The following CNTN5 variants were observed in gnomAD, a reference collection of about 807,000 sequenced individuals.
CNTN5 encodes contactin-5.
A neutral mutation model predicts 129.1 loss-of-function variants in CNTN5; 77 were observed. The observed-to-expected ratio is 0.60, with a 90% CI of 0.50 to 0.72. CNTN5 has a LOEUF of 0.72. Ranked by LOEUF, CNTN5 falls within the 30% of genes least tolerant of loss-of-function variation. The probability of loss-of-function intolerance (pLI) is 0.00; values close to 1 mark genes in which losing one functional copy is unlikely to be tolerated. For synonymous variants in CNTN5, 509 were observed against 465.6 expected, an observed-to-expected ratio of 1.09 and a Z score of -1.20; for missense variants, 1,478 against 1,328.8, an observed-to-expected ratio of 1.11 and a Z score of -1.75.
intron 3 of CNTN5, among the ~76,000 whole-genome samples, chr11:99,675,804 G>C (rs998245685): frequency 2.0e-5 from 3 of 152,106 alleles, no homozygotes; most frequent in African/African-American, 7.2e-5. Flanking sequence ...TTGTTATATG[G>C]GTACTAAATT....
At chr11:99,373,365 G>T (rs1049793578) in intron 2 of CNTN5, among the ~76,000 whole-genome samples, 1 of 152,126 alleles carries the variant, frequency 6.6e-6, no homozygotes, top group East Asian at 1.9e-4. Flanking sequence ...CATCTTGGAG[G>T]CTGATTACCC....
chr11:99,470,085 C>T (rs145389723), intron 2 of CNTN5, among the ~76,000 whole-genome samples: 5 of 152,258 alleles, frequency 3.3e-5, no homozygotes, highest in African/African-American at 1.2e-4. Context: ...GGGCAGGCTA[C>T]GTGATAGCTG....
At chr11:100,294,660 G>A (rs1012008046) in intron 18 of CNTN5, among the ~76,000 whole-genome samples, 45 of 151,610 alleles carry the variant, frequency 3.0e-4, no homozygotes, top group African/African-American at 1.1e-3. Context: ...AATATATTTT[G>A]TTTTAAAGTA....
intron 1 of CNTN5, among the ~76,000 whole-genome samples, chr11:99,301,938 T>G (rs543670079): frequency 6.6e-6 from 1 of 151,462 alleles, no homozygotes; most frequent in Non-Finnish European, 1.5e-5. Context: ...GTTTTAAAAA[T>G]TGAATATTTG....
At chr11:99,474,616 C>T (rs1324995377) in intron 2 of CNTN5, among the ~76,000 whole-genome samples, 3 of 151,944 alleles carry the variant, frequency 2.0e-5, no homozygotes, top group Non-Finnish European at 4.4e-5. Context: ...TTTGTTTTTA[C>T]CCAAAAGGTG....
intron 1 of CNTN5, among the ~76,000 whole-genome samples, chr11:99,291,730 A>T (rs1451492048): frequency 6.6e-6 from 1 of 152,058 alleles, no homozygotes; most frequent in Non-Finnish European, 1.5e-5. Flanking sequence ...ACAACAGAAA[A>T]GATCTGTTTT....
intron 2 of CNTN5, among the ~76,000 whole-genome samples, chr11:99,547,164 C>T (rs574759970): frequency 5.9e-5 from 9 of 151,992 alleles, no homozygotes; most frequent in South Asian, 2.1e-4. Context: ...CCACCACACC[C>T]GGCTAATTTT....
rs966606876 is a variant in CNTN5, at chr11:100,077,843, A to G, written c.1580+3549A>G. On this transcript the variant is annotated intron_variant, in intron 13 of 24. Transcript: ENST00000524871. ...CAGAGCAAAACCCTGTCTCAAAAATATAATAAAATAAGATCAAAAAGAAAT... is the reference window on the plus strand; with the variant it reads ...CAGAGCAAAACCCTGTCTCAAAAATGTAATAAAATAAGATCAAAAAGAAAT... Among the ~76,000 whole-genome samples, 3 of 152,084 alleles carry G rather than the reference A, an allele frequency of 2.0e-5. No individual in the cohort carries two copies. In the South Asian group the frequency reaches 6.2e-4, roughly 32 times the overall value.
intron 13 of CNTN5, among the ~76,000 whole-genome samples, chr11:100,075,456 A>C (rs1252630946): frequency 6.6e-6 from 1 of 152,172 alleles, no homozygotes; most frequent in East Asian, 1.9e-4. Context: ...TTATTTAATC[A>C]AAGTTTTGTG....
At chr11:99,446,448 C>T (rs1944075418) in intron 2 of CNTN5, among the ~76,000 whole-genome samples, 1 of 151,982 alleles carries the variant, frequency 6.6e-6, no homozygotes, top group South Asian at 2.1e-4. Context: ...ATAAATTTAC[C>T]ACTGATTTTA....
chr11:99,620,912 A>C (rs1363881022), intron 3 of CNTN5, among the ~76,000 whole-genome samples: 1 of 133,566 alleles, frequency 7.5e-6, no homozygotes, highest in Non-Finnish European at 1.7e-5. Context: ...TAAGCATCTA[A>C]CTATACTTAG....
At chr11:100,200,872 G>A (rs1474170925) in intron 15 of CNTN5, among the ~76,000 whole-genome samples, 1 of 151,880 alleles carries the variant, frequency 6.6e-6, no homozygotes, top group Non-Finnish European at 1.5e-5. Context: ...ATGCTTACAG[G>A]TATCTAGGAC....
intron 8 of CNTN5, among the ~76,000 whole-genome samples, chr11:99,993,080 C>G (rs975177587): frequency 2.0e-5 from 3 of 152,190 alleles, no homozygotes; most frequent in African/African-American, 7.2e-5. Context: ...CCTTCCCTTT[C>G]AGCATCAAAC....
At chr11:99,115,098 G>T (rs1274626690) in intron 1 of CNTN5, among the ~76,000 whole-genome samples, 2 of 152,096 alleles carry the variant, frequency 1.3e-5, no homozygotes, top group African/African-American at 4.8e-5. Flanking sequence ...GACACCTTTA[G>T]ATTGGACTTC....
chr11:100,271,464 A>C (rs78888310), intron 18 of CNTN5, among the ~76,000 whole-genome samples: 1 of 152,272 alleles, frequency 6.6e-6, no homozygotes, highest in Non-Finnish European at 1.5e-5. Context: ...AAATGCTTCA[A>C]TTTTCTCCCA....
At chr11:99,519,295 A>T (rs1417527340) in intron 2 of CNTN5, among the ~76,000 whole-genome samples, 1 of 152,016 alleles carries the variant, frequency 6.6e-6, no homozygotes, top group East Asian at 1.9e-4. Context: ...TGCTGGGTCA[A>T]ATTCCTCTAC....
intron 1 of CNTN5, among the ~76,000 whole-genome samples, chr11:99,071,342 A>G: frequency 6.6e-6 from 1 of 152,072 alleles, no homozygotes; most frequent in Admixed American, 6.6e-5. Flanking sequence ...CAGTGCTGAG[A>G]GTGATGAGGT....
At chr11:99,814,453 T>A (rs1946519707) in intron 3 of CNTN5, among the ~76,000 whole-genome samples, 2 of 152,312 alleles carry the variant, frequency 1.3e-5, no homozygotes, top group South Asian at 4.1e-4. Flanking sequence ...TTTCTTGGAA[T>A]CTCACAAAGC....
At chr11:99,981,743 A>G (rs917034939) in intron 8 of CNTN5, among the ~76,000 whole-genome samples, 1 of 152,154 alleles carries the variant, frequency 6.6e-6, no homozygotes, top group African/African-American at 2.4e-5. Context: ...TCTTTAATGT[A>G]TTTGAGGATT....
Sources: allele counts gnomAD v4.1 joint callset (sites outside exome capture counted in the v4.1 genomes callset), GRCh38; gene constraint gnomAD v4.1.1; transcripts MANE v1.5; gene names NCBI Gene and HGNC (gene_info 2026-07-23, HGNC 2026-07-21).